Variants in SNX4 observed in about 807,000 individuals in gnomAD.
The protein encoded by SNX4 is sorting nexin-4.
Under a neutral mutation model 70.8 loss-of-function variants are expected in SNX4, and 49 were observed. That is an observed-to-expected ratio of 0.69 (90% CI 0.55 to 0.88). The LOEUF is 0.88. SNX4 is among the 40% of genes least tolerant of loss of function. SNX4 has a pLI of 0.00. For missense variants in SNX4, 528 were observed against 544.8 expected (o/e 0.97, Z 0.31); for synonymous variants, 206 against 183.8 (o/e 1.12, Z -0.98).
chr3:125,488,164 T>C (rs1027455473), intron 6 of SNX4, among the ~76,000 whole-genome samples: 2 of 55,210 alleles, frequency 3.6e-5, no homozygotes, highest in African/African-American at 1.7e-4. Context: ...AAAAAAAAAA[T>C]AGTCTATTAA....
chr3:125,457,572 CT>C (rs1005344428), intron 10 of SNX4, among the ~76,000 whole-genome samples: 4,509 of 110,410 alleles, frequency 0.041, 94 homozygotes, highest in African/African-American at 0.11. Flanking sequence ...TTCATATATT[CT>C]TTTTTTTTTT....
chr3:125,457,145 G>A (rs571385156), intron 11 of SNX4, 121 bp downstream of exon 11: 32 of 700,790 alleles, frequency 4.6e-5, no homozygotes, highest in Non-Finnish European at 7.4e-5. Context: ...AGGTTCAGCC[G>A]TCCTGAGTAT....
intron 8 of SNX4, among the ~76,000 whole-genome samples, chr3:125,473,136 C>T (rs1934215376): frequency 6.6e-6 from 1 of 152,152 alleles, no homozygotes; most frequent in South Asian, 2.1e-4. Context: ...ATCACCCACA[C>T]AGTGAGCACA....
intron 6 of SNX4, among the ~76,000 whole-genome samples, chr3:125,483,599 T>C (rs1300775540): frequency 6.6e-6 from 1 of 152,258 alleles, no homozygotes; most frequent in Admixed American, 6.5e-5. Context: ...AAAGTTTCTC[T>C]GTTTGATTAA....
chr3:125,493,287 G>A (rs1432956442), intron 5 of SNX4, among the ~76,000 whole-genome samples: 1 of 152,050 alleles, frequency 6.6e-6, no homozygotes, highest in African/African-American at 2.4e-5. Flanking sequence ...CTAAAAAGGA[G>A]AAATGTCAAT....
chr3:125,509,523 G>T (rs1295435954), intron 1 of SNX4, among the ~76,000 whole-genome samples: 1 of 151,544 alleles, frequency 6.6e-6, no homozygotes, highest in Non-Finnish European at 1.5e-5. Context: ...AGGCCAAGGC[G>T]GGTGGATCAC....
intron 1 of SNX4, among the ~76,000 whole-genome samples, chr3:125,510,982 G>C (rs1935159487): frequency 6.6e-6 from 1 of 152,200 alleles, no homozygotes; most frequent in Non-Finnish European, 1.5e-5. Context: ...GCAATGGCAC[G>C]ATCTCGGCTG....
rs188628013 is a variant in SNX4 at position 125,470,392 on chromosome 3, G to A, written c.789-873C>T. On this transcript the variant is annotated intron_variant, in intron 8 of 13. Coordinates refer to ENST00000251775, the MANE Select transcript of SNX4 (RefSeq NM_003794.4). ...CCAATTTTTCTGCTATTTAAAGAATGTATAATAATCATCTTCAATTCCAAC... is the reference window on the plus strand; with the variant it reads ...CCAATTTTTCTGCTATTTAAAGAATATATAATAATCATCTTCAATTCCAAC... 2.0e-5 allele frequency among the ~76,000 whole-genome samples: 3 copies of A among 151,160 alleles called. No homozygotes were observed. In the East Asian group the frequency reaches 5.8e-4, roughly 29 times the overall value.
chr3:125,504,842 ATAT>A, intron 1 of SNX4, 98 bp from the exon 2 acceptor site: 1 of 1,345,480 alleles, frequency 7.4e-7, no homozygotes, highest in Non-Finnish European at 9.9e-7. Flanking sequence ...TATTGGGTTT[ATAT>A]ATTTCAAAAT....
At chr3:125,503,021 G>A (rs1273966133) in intron 2 of SNX4, among the ~76,000 whole-genome samples, 7 of 151,236 alleles carry the variant, frequency 4.6e-5, no homozygotes, top group Admixed American at 4.6e-4. Flanking sequence ...CCAGGTTCAA[G>A]TGATTCTCCT....
intron 5 of SNX4, among the ~76,000 whole-genome samples, chr3:125,491,270 A>G (rs1934654185): frequency 6.6e-6 from 1 of 152,360 alleles, no homozygotes; most frequent in Admixed American, 6.5e-5. Context: ...AATTTAAGGT[A>G]TACATTAAAA....
At chr3:125,476,569 C>CA in intron 8 of SNX4, 126 bp downstream of exon 8, 1 of 673,602 alleles carries the variant, frequency 1.5e-6, no homozygotes, top group Non-Finnish European at 2.6e-6. Context: ...AACTCCATCT[C>CA]AAAAAACAAA....
intron 6 of SNX4, 37 bp downstream of exon 6, chr3:125,489,371 A>G (rs898871834): frequency 4.6e-6 from 7 of 1,519,254 alleles, no homozygotes; most frequent in African/African-American, 1.4e-5. Flanking sequence ...GCACCATTCA[A>G]AACAACATTG....
At chr3:125,509,561 A>G (rs768407564) in intron 1 of SNX4, among the ~76,000 whole-genome samples, 35 of 151,778 alleles carry the variant, frequency 2.3e-4, no homozygotes, top group Non-Finnish European at 2.9e-4. Context: ...AGGCCAGCCT[A>G]GCCAACATGG....
chr3:125,506,616 C>T (rs915090039), intron 1 of SNX4, among the ~76,000 whole-genome samples: 1 of 150,632 alleles, frequency 6.6e-6, no homozygotes, highest in Non-Finnish European at 1.5e-5. Context: ...AGGGATTCTC[C>T]TGCCTTAGCC....
chr3:125,514,038 T>C (rs1030894582), intron 1 of SNX4, among the ~76,000 whole-genome samples: 4 of 151,778 alleles, frequency 2.6e-5, no homozygotes, highest in African/African-American at 9.7e-5. Flanking sequence ...TTCTGGATTT[T>C]TTTTTTTTTT....
chr3:125,466,822 C>A (rs1342535444), intron 9 of SNX4, among the ~76,000 whole-genome samples: 1 of 152,026 alleles, frequency 6.6e-6, no homozygotes, highest in Admixed American at 6.6e-5. Flanking sequence ...CAGTGGCTCA[C>A]GCCTATAATC....
chr3:125,487,156 T>TA (rs1239701665), intron 6 of SNX4, among the ~76,000 whole-genome samples: 2 of 152,018 alleles, frequency 1.3e-5, no homozygotes, highest in Admixed American at 1.3e-4. Flanking sequence ...TTTAATAATA[T>TA]AAAAAATCTA....
chr3:125,499,004 T>G (rs1430129203), intron 2 of SNX4, among the ~76,000 whole-genome samples: 1 of 152,080 alleles, frequency 6.6e-6, no homozygotes, highest in African/African-American at 2.4e-5. Context: ...CCAAGAAATA[T>G]CCAAAAGAAC....
Sources: allele counts gnomAD v4.1 joint callset (sites outside exome capture counted in the v4.1 genomes callset), GRCh38; gene constraint gnomAD v4.1.1; transcripts MANE v1.5; gene names NCBI Gene and HGNC (gene_info 2026-07-23, HGNC 2026-07-21).